The following MAGI2 variants were observed in gnomAD, a reference collection of about 807,000 sequenced individuals.
MAGI2 encodes membrane-associated guanylate kinase, WW and PDZ domain-containing protein 2.
MAGI2 carries 35 observed loss-of-function variants against 133.3 expected under a neutral mutation model. The ratio of observed to expected loss-of-function variants is 0.26; its 90% CI spans 0.20 to 0.35. MAGI2 has a LOEUF of 0.35. Ranked by LOEUF, MAGI2 falls within the 10% of genes least tolerant of loss-of-function variation. The probability of loss-of-function intolerance (pLI) is 1.00; values close to 1 mark genes in which losing one functional copy is unlikely to be tolerated. For missense variants in MAGI2, 1,636 were observed against 1,863.4 expected (o/e 0.88, Z 2.25); for synonymous variants, 729 against 710.6 (o/e 1.03, Z -0.41).
chr7:78,774,127 A>G (rs1190488587), intron 2 of MAGI2, among the ~76,000 whole-genome samples: 1 of 152,176 alleles, frequency 6.6e-6, no homozygotes, highest in East Asian at 1.9e-4. Flanking sequence ...AGAGATTTTA[A>G]CCAATCAAAT....
intron 1 of MAGI2, among the ~76,000 whole-genome samples, chr7:79,238,661 T>C (rs1013227182): frequency 2.0e-5 from 3 of 152,300 alleles, no homozygotes; most frequent in Admixed American, 6.5e-5. Flanking sequence ...TAAGAGTAGC[T>C]AGTCACTATT....
Position 78,747,640 on chromosome 7 carries a change from G to T in MAGI2, c.419-120401C>A, listed in dbSNP as rs1823051098. On this transcript the variant is annotated intron_variant, in intron 2 of 21. Transcript: ENST00000354212. Reference sequence around the variant, plus strand: ...AAGGGAGAGTAGTCCACTCTCCTAGGAGCTGCTCAACTAACGCAGAATCTC... The same window carrying T: ...AAGGGAGAGTAGTCCACTCTCCTAGTAGCTGCTCAACTAACGCAGAATCTC... Among the ~76,000 whole-genome samples, 3 of 152,242 alleles carry T rather than the reference G, an allele frequency of 2.0e-5. No homozygotes were observed. In the South Asian group the frequency reaches 6.2e-4, roughly 32 times the overall value.
At chr7:78,534,251 C>A (rs1386582093) in intron 3 of MAGI2, among the ~76,000 whole-genome samples, 1 of 152,138 alleles carries the variant, frequency 6.6e-6, no homozygotes, top group East Asian at 1.9e-4. Flanking sequence ...TCAAGTTAGG[C>A]TTTTTAAGAA....
chr7:78,365,551 T>TAAA (rs750526708), intron 7 of MAGI2, among the ~76,000 whole-genome samples: 1 of 152,174 alleles, frequency 6.6e-6, no homozygotes. Context: ...TAAGACAATT[T>TAAA]AGCTCATTAT....
chr7:78,108,658 G>A (rs398048285), intron 20 of MAGI2, among the ~76,000 whole-genome samples: 6 of 119,768 alleles, frequency 5.0e-5, no homozygotes, highest in Non-Finnish European at 1.9e-5. Context: ...GTGTGTGTGT[G>A]TGTGTGTGTG....
At chr7:79,258,933 G>A (rs878981199) in intron 1 of MAGI2, among the ~76,000 whole-genome samples, 2 of 152,216 alleles carry the variant, frequency 1.3e-5, no homozygotes, top group South Asian at 2.1e-4. Context: ...TGCTCTTAAC[G>A]ATTATGCAGG....
intron 1 of MAGI2, among the ~76,000 whole-genome samples, chr7:79,206,617 C>T (rs562767756): frequency 2.0e-5 from 3 of 152,054 alleles, no homozygotes; most frequent in East Asian, 3.9e-4. Flanking sequence ...CTACAACCTT[C>T]ACCATTGAAT....
chr7:79,127,924 T>C (rs1467487390), intron 1 of MAGI2, among the ~76,000 whole-genome samples: 1 of 152,232 alleles, frequency 6.6e-6, no homozygotes, highest in Non-Finnish European at 1.5e-5. Flanking sequence ...AGGGTTTTCA[T>C]GGTTTTAGGT....
chr7:78,395,282 G>A (rs1211300204), intron 6 of MAGI2, among the ~76,000 whole-genome samples: 1 of 152,080 alleles, frequency 6.6e-6, no homozygotes, highest in African/African-American at 2.4e-5. Flanking sequence ...GAAATAGACT[G>A]GAAAAATATC....
intron 1 of MAGI2, among the ~76,000 whole-genome samples, chr7:79,195,748 T>G (rs187537253): frequency 6.6e-6 from 1 of 151,958 alleles, no homozygotes. Flanking sequence ...TAAAGTAATA[T>G]CTGTCCTCCT....
chr7:78,338,485 T>C (rs963923502), intron 9 of MAGI2, among the ~76,000 whole-genome samples: 1 of 152,210 alleles, frequency 6.6e-6, no homozygotes, highest in African/African-American at 2.4e-5. Context: ...ATTATAGCAT[T>C]GATATAAATA....
chr7:79,379,756 T>C (rs1417243884), intron 1 of MAGI2, among the ~76,000 whole-genome samples: 1 of 151,946 alleles, frequency 6.6e-6, no homozygotes, highest in East Asian at 1.9e-4. Context: ...TGCATAAATG[T>C]CTTTTTTTTA....
chr7:78,922,429 G>A (rs1305554097), intron 2 of MAGI2, among the ~76,000 whole-genome samples: 1 of 151,258 alleles, frequency 6.6e-6, no homozygotes, highest in East Asian at 2.0e-4. Context: ...ACCTATGAGT[G>A]AGAACATGCG....
intron 2 of MAGI2, among the ~76,000 whole-genome samples, chr7:78,779,384 C>A (rs1250963242): frequency 1.3e-5 from 2 of 152,140 alleles, no homozygotes. Flanking sequence ...AAATTTTAGT[C>A]AAGTGAATTA....
At chr7:78,782,864 T>C (rs1826505760) in intron 2 of MAGI2, among the ~76,000 whole-genome samples, 1 of 152,182 alleles carries the variant, frequency 6.6e-6, no homozygotes, top group African/African-American at 2.4e-5. Flanking sequence ...TCAGTGCTTC[T>C]AAACCTTGTG....
intron 9 of MAGI2, among the ~76,000 whole-genome samples, chr7:78,338,002 T>G (rs1272860366): frequency 7.2e-5 from 11 of 152,180 alleles, no homozygotes; most frequent in Admixed American, 4.6e-4. Flanking sequence ...AACAAAATAT[T>G]AGCCATAGAG....
chr7:78,201,247 A>G (rs1261388455), intron 10 of MAGI2, 54 bp from the exon 11 acceptor site: 1 of 855,226 alleles, frequency 1.2e-6, no homozygotes, highest in Non-Finnish European at 1.8e-6. Flanking sequence ...ACTGCCACTT[A>G]TGGGTGGCAC....
chr7:78,957,100 C>T (rs187651323), intron 2 of MAGI2, among the ~76,000 whole-genome samples: 1 of 151,806 alleles, frequency 6.6e-6, no homozygotes, highest in Admixed American at 6.6e-5. Flanking sequence ...CCTGTCTCTA[C>T]TAAAAATACA....
In MAGI2 at chr7:78,714,954, G is replaced by A. The variant is rs150254747; in HGVS notation, c.419-87715C>T. ...CATACTGTTCCTCCATGACTAAAGC[G>A]CTAGAGTTTTCAATTTAGGCCTTAT... On this transcript the variant is annotated intron_variant, in intron 2 of 21. Transcript: ENST00000354212. Among the ~76,000 whole-genome samples the A allele has an allele frequency of 1.6e-3, 240 of 152,278 alleles. 2 individuals are homozygous for A. The highest frequency in any genetic ancestry group is 2.4e-3 in the Non-Finnish European group (164 of 68,014).
Sources: gnomAD v4.1 joint callset for allele counts (sites outside exome capture counted in the v4.1 genomes callset) on GRCh38, gnomAD v4.1.1 for gene constraint, MANE v1.5 for transcripts, NCBI Gene and HGNC (gene_info 2026-07-23, HGNC 2026-07-21) for gene names.